KCNK13: variants seen among roughly 807,000 people sequenced by gnomAD.
The protein encoded by KCNK13 is potassium two pore domain channel subfamily K member 13.
A neutral mutation model predicts 23.4 loss-of-function variants in KCNK13; 12 were observed. That is an observed-to-expected ratio of 0.51 (90% CI 0.33 to 0.83). The LOEUF (loss-of-function observed/expected upper bound fraction) is 0.83, where lower values mean the gene tolerates loss of function less well. Among genes scored for constraint, KCNK13 ranks in the 40% least tolerant of loss-of-function variants. KCNK13 has a pLI of 0.02. For synonymous variants in KCNK13, 231 were observed against 229.5 expected, an observed-to-expected ratio of 1.01 and a Z score of -0.06; for missense variants, 463 against 556.3, an observed-to-expected ratio of 0.83 and a Z score of 1.69.
At chr14:90,112,737 C>T (rs895872223) in intron 1 of KCNK13, among the ~76,000 whole-genome samples, 1 of 151,436 alleles carries the variant, frequency 6.6e-6, no homozygotes, top group Non-Finnish European at 1.5e-5. Flanking sequence ...CACATCTTGG[C>T]AAATCTGGAT....
intron 1 of KCNK13, among the ~76,000 whole-genome samples, chr14:90,101,812 A>AAAAAAAAAAAAAAACC (rs1889483919): frequency 6.8e-6 from 1 of 147,670 alleles, no homozygotes; most frequent in South Asian, 2.1e-4. Flanking sequence ...AAAAAAAAAA[A>AAAAAAAAAAAAAAACC]CCTCACAAGT....
At chr14:90,145,001 ACC>A (rs1890057053) in intron 1 of KCNK13, among the ~76,000 whole-genome samples, 1 of 152,110 alleles carries the variant, frequency 6.6e-6, no homozygotes, top group African/African-American at 2.4e-5. Flanking sequence ...AAGAGTTATC[ACC>A]ATGAATGGAT....
chr14:90,077,867 A>G (rs1165239448), intron 1 of KCNK13, among the ~76,000 whole-genome samples: 2 of 152,124 alleles, frequency 1.3e-5, no homozygotes, highest in Non-Finnish European at 2.9e-5. Flanking sequence ...CCTGTTTACT[A>G]TAAGCCACTC....
intron 1 of KCNK13, among the ~76,000 whole-genome samples, chr14:90,064,692 AG>A: frequency 6.6e-6 from 1 of 152,318 alleles, no homozygotes; most frequent in African/African-American, 2.4e-5. Context: ...CCCCTGTCAC[AG>A]GGTTCTTGTG....
At chr14:90,077,141 C>T (rs1042267242) in intron 1 of KCNK13, among the ~76,000 whole-genome samples, 4 of 73,042 alleles carry the variant, frequency 5.5e-5, no homozygotes, top group South Asian at 4.4e-4. Context: ...TTTTTTTAGA[C>T]GAAGTTTCTC....
chr14:90,104,893 A>C (rs1174386476), intron 1 of KCNK13, among the ~76,000 whole-genome samples: 3 of 149,784 alleles, frequency 2.0e-5, no homozygotes, highest in African/African-American at 4.9e-5. Context: ...AGGTTCAAGC[A>C]ATCCTCCTGC....
intron 1 of KCNK13, among the ~76,000 whole-genome samples, chr14:90,135,266 A>G (rs937308404): frequency 1.3e-5 from 2 of 152,186 alleles, no homozygotes; most frequent in Admixed American, 1.3e-4. Context: ...CTTTTTGGCA[A>G]AGGAAAGAGG....
At chr14:90,075,735 C>T (rs1425587726) in intron 1 of KCNK13, among the ~76,000 whole-genome samples, 1 of 152,182 alleles carries the variant, frequency 6.6e-6, no homozygotes, top group Non-Finnish European at 1.5e-5. Context: ...CCCACCTCGA[C>T]CTCCCAAAGT....
At chr14:90,101,294 C>A (rs1396992269) in intron 1 of KCNK13, among the ~76,000 whole-genome samples, 2 of 152,140 alleles carry the variant, frequency 1.3e-5, no homozygotes, top group East Asian at 3.9e-4. Flanking sequence ...GATTTGATTT[C>A]TCTGAAATCT....
intron 1 of KCNK13, among the ~76,000 whole-genome samples, chr14:90,176,282 G>A (rs1890421241): frequency 1.3e-5 from 2 of 152,134 alleles, no homozygotes; most frequent in African/African-American, 4.8e-5. Context: ...AACTTGAAAA[G>A]CTTGGACTAG....
intron 1 of KCNK13, among the ~76,000 whole-genome samples, chr14:90,079,398 AAATTACACCTT>A (rs1889181363): frequency 6.6e-6 from 1 of 152,054 alleles, no homozygotes; most frequent in South Asian, 2.1e-4. Flanking sequence ...TATGGAGCAT[AAATTACACCTT>A]AGAATTTGGC....
chr14:90,179,014 C>A (rs1161134080), intron 1 of KCNK13, among the ~76,000 whole-genome samples: 1 of 152,058 alleles, frequency 6.6e-6, no homozygotes, highest in Non-Finnish European at 1.5e-5. Flanking sequence ...TTTTGAGAAA[C>A]CTGAATATGG....
intron 1 of KCNK13, among the ~76,000 whole-genome samples, chr14:90,073,025 G>A (rs1039267610): frequency 2.0e-5 from 3 of 152,112 alleles, no homozygotes; most frequent in East Asian, 1.9e-4. Flanking sequence ...TCTGTGCTCC[G>A]TCTGAAGCCA....
At chr14:90,064,726 T>A (rs1263732350) in intron 1 of KCNK13, among the ~76,000 whole-genome samples, 6 of 152,226 alleles carry the variant, frequency 3.9e-5, no homozygotes, top group African/African-American at 1.4e-4. Context: ...CTCTTGTAAG[T>A]GCGTGCGTGT....
intron 1 of KCNK13, among the ~76,000 whole-genome samples, chr14:90,176,365 G>A (rs749527931): frequency 3.3e-5 from 5 of 152,086 alleles, no homozygotes; most frequent in Non-Finnish European, 5.9e-5. Context: ...GCCCAGTGAG[G>A]ACCCAGGGCC....
chr14:90,093,846 T>C (rs1017128577), intron 1 of KCNK13, among the ~76,000 whole-genome samples: 26 of 152,216 alleles, frequency 1.7e-4, no homozygotes, highest in African/African-American at 6.3e-4. Context: ...TCTGAAGTCT[T>C]GATATTTGGA....
At chr14:90,125,869 C>T (rs2140419632) in intron 1 of KCNK13, among the ~76,000 whole-genome samples, 1 of 151,942 alleles carries the variant, frequency 6.6e-6, no homozygotes, top group East Asian at 2.0e-4. Flanking sequence ...CAGAAAAATA[C>T]AAAAATTAGC....
At chr14:90,141,498 C>T (rs1286081620) in intron 1 of KCNK13, among the ~76,000 whole-genome samples, 1 of 151,764 alleles carries the variant, frequency 6.6e-6, no homozygotes, top group African/African-American at 2.4e-5. Context: ...GCTCTCGTTG[C>T]CCAGGCTGGA....
intron 1 of KCNK13, chr14:90,108,094 C>G: frequency 2.1e-6 from 1 of 466,094 alleles, no homozygotes; most frequent in Non-Finnish European, 4.0e-6. Context: ...GGGGCACAAA[C>G]AGCTTTTTTC....
Sources: allele counts gnomAD v4.1 joint callset (sites outside exome capture counted in the v4.1 genomes callset), GRCh38; gene constraint gnomAD v4.1.1; transcripts MANE v1.5; gene names NCBI Gene and HGNC (gene_info 2026-07-23, HGNC 2026-07-21).